The following LRRD1 variants were observed in gnomAD, a reference collection of about 807,000 sequenced individuals.
LRRD1 encodes the protein leucine-rich repeat and death domain-containing protein 1.
A neutral mutation model predicts 69.5 loss-of-function variants in LRRD1; 49 were observed. The ratio of observed to expected loss-of-function variants is 0.70; its 90% CI spans 0.56 to 0.89. The LOEUF is 0.89. Ranked by LOEUF, LRRD1 falls within the 40% of genes least tolerant of loss-of-function variation. The probability of loss-of-function intolerance (pLI) is 0.00; values close to 1 mark genes in which losing one functional copy is unlikely to be tolerated. For missense variants in LRRD1, 853 were observed against 956.0 expected, an observed-to-expected ratio of 0.89 and a Z score of 1.42; for synonymous variants, 303 against 338.9, an observed-to-expected ratio of 0.89 and a Z score of 1.16.
chr7:92,142,050 C>A (rs1820162513), downstream of LRRD1: 1 of 170,344 alleles, frequency 5.9e-6, no homozygotes, highest in Non-Finnish European at 1.3e-5. Context: ...TCACGCCATT[C>A]TCCTGCCTCA....
intron 3 of LRRD1, among the ~76,000 whole-genome samples, chr7:92,158,065 T>C (rs188895713): frequency 6.6e-6 from 1 of 152,338 alleles, no homozygotes; most frequent in East Asian, 1.9e-4. Context: ...GGGCTATCTG[T>C]TAGCCCACAA....
chr7:92,152,477 G>A (rs936508696), intron 3 of LRRD1, among the ~76,000 whole-genome samples: 41 of 152,010 alleles, frequency 2.7e-4, no homozygotes, highest in Non-Finnish European at 5.4e-4. Flanking sequence ...TGTTGAATAA[G>A]TTTTCATTTC....
At position 92,158,866 on chromosome 7, in the gene LRRD1, G is replaced by A. The variant is rs187301531; in HGVS notation, c.2116+139C>T. The A allele has an allele frequency of 6.1e-4, 384 of 632,510 alleles. 1 individual carries two copies. The African/African-American group carries it at 6.6e-3, about 11-fold the overall frequency. 39.2% of individuals were successfully genotyped at this position (632,510 alleles called of 1,614,324 possible). On this transcript the variant is annotated intron_variant, in intron 3 of 5. Coordinates refer to ENST00000458448, the MANE Select transcript of LRRD1 (RefSeq NM_001161528.2). ...ACTTTGCTTTCATTTTCTGTACCTA[G>A]GACAGTCATTTCCTTCTAATGGTGA...
chr7:92,149,681 C>T (rs1311664128), intron 4 of LRRD1, among the ~76,000 whole-genome samples: 2 of 152,074 alleles, frequency 1.3e-5, no homozygotes, highest in African/African-American at 4.8e-5. Flanking sequence ...CCATGGTTTT[C>T]CCTCAAGGCC....
chr7:92,160,550 G>T (rs1046432982), intron 2 of LRRD1, among the ~76,000 whole-genome samples: 2 of 152,202 alleles, frequency 1.3e-5, no homozygotes, highest in Non-Finnish European at 2.9e-5. Flanking sequence ...GGCTGGGCTC[G>T]GTGGCTCACA....
At chr7:92,150,746 A>T in intron 3 of LRRD1, 51 bp from the exon 4 acceptor site, 1 of 1,302,616 alleles carries the variant, frequency 7.7e-7, no homozygotes, top group Non-Finnish European at 1.1e-6. Flanking sequence ...AAAGAAAACT[A>T]TGGAGACAAA....
At chr7:92,157,403 C>T (rs1223847908) in intron 3 of LRRD1, among the ~76,000 whole-genome samples, 1 of 151,946 alleles carries the variant, frequency 6.6e-6, no homozygotes, top group East Asian at 1.9e-4. Flanking sequence ...GATGTTCAAG[C>T]AGGATGTTAT....
At position 92,168,907 on chromosome 7, in the gene LRRD1, A is replaced by T. The variant is rs559086757; in HGVS notation, c.-74-3631T>A. 2.6e-5 allele frequency among the ~76,000 whole-genome samples: 4 copies of T among 152,292 alleles called. No individual in the cohort carries two copies. The South Asian group carries it at 8.3e-4, about 32-fold the overall frequency. ...ATGTGAACTCTCTGACCAAGAATTT[A>T]AAATGACAGGTCTGTTTTGTTTTGT... On this transcript the variant is annotated intron_variant, in intron 1 of 5. Coordinates refer to ENST00000458448, the MANE Select transcript of LRRD1 (RefSeq NM_001161528.2).
In LRRD1 at chr7:92,174,480, T is replaced by C. The variant is rs867885364; in HGVS notation, c.-75+4527A>G. ...TTATGTATCAATTAGAATATATATA[T>C]ATATATATATATATATATATATATA... On this transcript the variant is annotated intron_variant, in intron 1 of 5. Coordinates refer to ENST00000458448, the MANE Select transcript of LRRD1 (RefSeq NM_001161528.2). Among the ~76,000 whole-genome samples, 12 of 13,682 alleles carry C rather than the reference T, an allele frequency of 8.8e-4. 1 individual carries two copies. Among genetic ancestry groups the C allele is most frequent in the African/African-American group, 3.4e-3 (11 of 3,194 alleles). The allele number at this position is 13,682 out of a possible 152,430, so 9.0% of individuals were successfully genotyped here.
At chr7:92,168,442 C>T (rs1172735635) in intron 1 of LRRD1, among the ~76,000 whole-genome samples, 2 of 152,142 alleles carry the variant, frequency 1.3e-5, no homozygotes, top group African/African-American at 4.8e-5. Flanking sequence ...CCAAAGGAGA[C>T]ACCACATCAG....
chr7:92,144,993 A>G lies in LRRD1; in HGVS notation c.2478T>C (p.Ala826=). Residue 826 remains alanine (A), a synonymous_variant, in exon 6 of 6, where the codon GCT becomes GCC. Coordinates refer to ENST00000458448, the MANE Select transcript of LRRD1 (RefSeq NM_001161528.2). ...CTCGAATTAGTTGATCTCTTAAAGCAGCAGCAGTTAGTGATAACTTGTTAC... is the reference window on the plus strand; with the variant it reads ...CTCGAATTAGTTGATCTCTTAAAGCGGCAGCAGTTAGTGATAACTTGTTAC... ...TQSNKLSLTA[A]ALRDQLIRAL... 6.5e-7 allele frequency: 1 copy of G among 1,542,904 alleles called. No homozygotes were observed. The highest frequency in any genetic ancestry group is 8.8e-7 in the Non-Finnish European group (1 of 1,141,424).
chr7:92,151,823 C>A (rs182944249), intron 3 of LRRD1, among the ~76,000 whole-genome samples: 1,704 of 151,942 alleles, frequency 0.011, 14 homozygotes, highest in Non-Finnish European at 0.014. Flanking sequence ...GTGGTGGGCA[C>A]CTGTAATCCC....
At chr7:92,159,343 T>G in intron 2 of LRRD1, 140 bp from the exon 3 acceptor site, 1 of 614,896 alleles carries the variant, frequency 1.6e-6, no homozygotes, top group South Asian at 2.4e-5. Context: ...ATGTCACAAA[T>G]TCTTTGTGAC....
At chr7:92,174,509 ATTTTTTTTTT>A (rs35052440) in intron 1 of LRRD1, among the ~76,000 whole-genome samples, 36 of 12,860 alleles carry the variant, frequency 2.8e-3, no homozygotes, top group South Asian at 0.011. Flanking sequence ...ATATATATAT[ATTTTTTTTTT>A]TTTTTTTTTT....
At chr7:92,173,919 A>G (rs564307295) in intron 1 of LRRD1, among the ~76,000 whole-genome samples, 1 of 152,306 alleles carries the variant, frequency 6.6e-6, no homozygotes, top group African/African-American at 2.4e-5. Context: ...AAAATATGGG[A>G]TCAGCTTAAG....
chr7:92,149,495 A>G (rs1484106369), intron 4 of LRRD1, among the ~76,000 whole-genome samples: 1 of 152,210 alleles, frequency 6.6e-6, no homozygotes, highest in Non-Finnish European at 1.5e-5. Context: ...GACAGTGAAG[A>G]TTCCCTCCCA....
At chr7:92,146,057 T>G in intron 5 of LRRD1, 26 bp downstream of exon 5, 2 of 1,195,454 alleles carry the variant, frequency 1.7e-6, no homozygotes, top group Non-Finnish European at 2.3e-6. Flanking sequence ...AATAAATTTG[T>G]ACTAAATGCT....
intron 2 of LRRD1, 67 bp downstream of exon 2, chr7:92,163,219 C>A: frequency 9.3e-7 from 1 of 1,075,700 alleles, no homozygotes; most frequent in Non-Finnish European, 1.3e-6. Context: ...ACAGATACAC[C>A]ACAGCTTGGA....
intron 1 of LRRD1, among the ~76,000 whole-genome samples, chr7:92,172,003 G>C (rs1789067163): frequency 6.6e-6 from 1 of 152,276 alleles, no homozygotes; most frequent in African/African-American, 2.4e-5. Context: ...ACATGCCTGT[G>C]GTCCCAGCTA....
Sources: gnomAD v4.1 joint callset for allele counts (sites outside exome capture counted in the v4.1 genomes callset) on GRCh38, gnomAD v4.1.1 for gene constraint, MANE v1.5 for transcripts, NCBI Gene and HGNC (gene_info 2026-07-23, HGNC 2026-07-21) for gene names.